Variants in PDE11A observed in about 807,000 individuals in gnomAD.
The protein encoded by PDE11A is dual 3',5'-cyclic-AMP and -GMP phosphodiesterase 11A.
In PDE11A, 100 loss-of-function variants were observed where a neutral mutation model predicts 100.5. The observed-to-expected ratio is 1.00, with a 90% CI of 0.85 to 1.18. The LOEUF is 1.18. Ranked by LOEUF, PDE11A falls within the 50% of genes most tolerant of loss-of-function variation. The pLI, the probability that PDE11A is intolerant of heterozygous loss-of-function variation, is 0.00. For synonymous variants in PDE11A, 381 were observed against 420.8 expected (o/e 0.91, Z 1.16); for missense variants, 1,141 against 1,152.6 (o/e 0.99, Z 0.15).
At chr2:177,851,280 T>A (rs13385949) in intron 5 of PDE11A, among the ~76,000 whole-genome samples, 9,482 of 151,368 alleles carry the variant, frequency 0.063, 307 homozygotes, top group South Asian at 0.091. Context: ...GCAAACTATC[T>A]CAAGAACAAA....
chr2:177,818,853 T>C (rs558896978), intron 7 of PDE11A, among the ~76,000 whole-genome samples: 1 of 151,550 alleles, frequency 6.6e-6, no homozygotes, highest in South Asian at 2.1e-4. Context: ...CCCCATTTAG[T>C]ACAAAAGAAA....
chr2:178,050,569 G>T (rs1209011555), intron 1 of PDE11A, among the ~76,000 whole-genome samples: 1 of 152,126 alleles, frequency 6.6e-6, no homozygotes, highest in Non-Finnish European at 1.5e-5. Context: ...TGAGCTAAAG[G>T]AGGGTGTTCG....
intron 2 of PDE11A, among the ~76,000 whole-genome samples, chr2:177,984,120 C>T (rs931234674): frequency 1.3e-5 from 2 of 152,030 alleles, no homozygotes; most frequent in Admixed American, 6.6e-5. Flanking sequence ...GCTTGGGAAG[C>T]GAAGTGGTTT....
At chr2:178,079,201 T>C (rs1336894172) in intron 2 of PDE11A, among the ~76,000 whole-genome samples, 1 of 152,226 alleles carries the variant, frequency 6.6e-6, no homozygotes, top group African/African-American at 2.4e-5. Context: ...GCGGGTTTGT[T>C]ACCTAGGTAA....
At chr2:177,705,220 C>A (rs2081261187) in intron 13 of PDE11A, among the ~76,000 whole-genome samples, 1 of 87,316 alleles carries the variant, frequency 1.1e-5, no homozygotes. Flanking sequence ...TACTTTCTCA[C>A]ATAAAATATG....
chr2:177,741,778 T>C (rs1053268364), intron 10 of PDE11A, among the ~76,000 whole-genome samples: 1 of 152,196 alleles, frequency 6.6e-6, no homozygotes, highest in Non-Finnish European at 1.5e-5. Flanking sequence ...GTGTGATGGC[T>C]CATGCCTGTA....
intron 2 of PDE11A, among the ~76,000 whole-genome samples, chr2:177,946,219 G>A (rs1240546280): frequency 1.0e-4 from 12 of 118,968 alleles, no homozygotes; most frequent in African/African-American, 9.9e-5. Flanking sequence ...CGCCCCGTCC[G>A]GGAGGGAGGT....
At chr2:177,778,721 C>A (rs915079687) in intron 9 of PDE11A, among the ~76,000 whole-genome samples, 1 of 152,170 alleles carries the variant, frequency 6.6e-6, no homozygotes, top group African/African-American at 2.4e-5. Context: ...ATATGAAGAA[C>A]CATACTCCAG....
intron 2 of PDE11A, among the ~76,000 whole-genome samples, chr2:177,935,356 C>T (rs963639131): frequency 1.4e-4 from 21 of 149,894 alleles, no homozygotes; most frequent in Admixed American, 3.3e-4. Context: ...TAAATAGCCA[C>T]GAATTTGCAA....
intron 6 of PDE11A, among the ~76,000 whole-genome samples, chr2:177,831,673 T>A (rs974452641): frequency 3.3e-5 from 5 of 152,190 alleles, no homozygotes; most frequent in Non-Finnish European, 7.3e-5. Context: ...CATTCATAAG[T>A]TGCTGCTGAA....
At chr2:178,045,965 T>C (rs1282675701) in intron 1 of PDE11A, among the ~76,000 whole-genome samples, 1 of 152,302 alleles carries the variant, frequency 6.6e-6, no homozygotes. Context: ...ATGGTAAAAC[T>C]GTAGAATCTA....
chr2:177,996,670 C>T (rs546825838), intron 2 of PDE11A, among the ~76,000 whole-genome samples: 37 of 152,176 alleles, frequency 2.4e-4, no homozygotes, highest in African/African-American at 6.5e-4. Context: ...AAGAAAGCAA[C>T]GTAAATATTA....
chr2:177,932,915 A>G (rs1197212855), intron 2 of PDE11A, among the ~76,000 whole-genome samples: 5 of 152,168 alleles, frequency 3.3e-5, no homozygotes, highest in African/African-American at 1.2e-4. Context: ...ATACTTAGAC[A>G]ATCCTAAGGA....
At chr2:177,864,306 T>A (rs1045383132) in intron 5 of PDE11A, among the ~76,000 whole-genome samples, 1 of 152,140 alleles carries the variant, frequency 6.6e-6, no homozygotes, top group Admixed American at 6.6e-5. Context: ...GTAACACAAT[T>A]GTATTGTATG....
intron 5 of PDE11A, among the ~76,000 whole-genome samples, chr2:177,854,534 G>A (rs1466946864): frequency 6.6e-6 from 1 of 152,032 alleles, no homozygotes; most frequent in Non-Finnish European, 1.5e-5. Flanking sequence ...ACAAAATAGG[G>A]TTATTTGTGG....
intron 9 of PDE11A, among the ~76,000 whole-genome samples, chr2:177,778,885 G>C (rs545136841): frequency 1.3e-5 from 2 of 152,276 alleles, no homozygotes; most frequent in Non-Finnish European, 2.9e-5. Flanking sequence ...AACTGTGTCT[G>C]CTGTGTGATC....
In PDE11A at chr2:177,719,801, T is replaced by G. The variant is rs1263070990; in HGVS notation, c.2043+7857A>C. On this transcript the variant is annotated intron_variant, in intron 12 of 19. Transcript: ENST00000286063. ...GTTTGGTACATTATTAAAATCACAT[T>G]TATTTCAGCCAAAAAAGTGCTCTTT... Among the ~76,000 whole-genome samples the G allele has an allele frequency of 2.0e-5, 3 of 152,064 alleles. No individual in the cohort carries two copies. The East Asian group carries it at 5.8e-4, about 29-fold the overall frequency.
intron 2 of PDE11A, among the ~76,000 whole-genome samples, chr2:177,927,348 A>G (rs1175238767): frequency 6.6e-6 from 1 of 152,262 alleles, no homozygotes; most frequent in Non-Finnish European, 1.5e-5. Context: ...TCAAATTAGC[A>G]AATACTTCCT....
At chr2:177,945,375 G>A (rs2085398614) in intron 2 of PDE11A, among the ~76,000 whole-genome samples, 1 of 143,624 alleles carries the variant, frequency 7.0e-6, no homozygotes, top group Non-Finnish European at 1.6e-5. Flanking sequence ...AGGAAGTGAG[G>A]AGCGCCTCTT....
Sources: allele counts gnomAD v4.1 joint callset (sites outside exome capture counted in the v4.1 genomes callset), GRCh38; gene constraint gnomAD v4.1.1; transcripts MANE v1.5; gene names NCBI Gene and HGNC (gene_info 2026-07-23, HGNC 2026-07-21).